RPA1: variants seen among roughly 807,000 people sequenced by gnomAD.
RPA1 encodes replication protein A1, also known as replication protein A 70 kDa DNA-binding subunit.
RPA1 carries 49 observed loss-of-function variants against 83.0 expected under a neutral mutation model. That is an observed-to-expected ratio of 0.59 (90% CI 0.47 to 0.75). The LOEUF is 0.75. Among genes scored for constraint, RPA1 ranks in the 30% least tolerant of loss-of-function variants. RPA1 has a pLI of 0.00. For synonymous variants in RPA1, 279 were observed against 281.8 expected (o/e 0.99, Z 0.10); for missense variants, 693 against 776.1 (o/e 0.89, Z 1.27).
chr17:1,877,168 C>T, intron 7 of RPA1, 44 bp from the exon 8 acceptor site: 7 of 1,550,874 alleles, frequency 4.5e-6, no homozygotes, highest in Non-Finnish European at 6.2e-6. Context: ...TTGATCTTTT[C>T]CAAGGAAGAC....
At chr17:1,888,596 G>T in intron 13 of RPA1, 79 bp from the exon 14 acceptor site, 1 of 1,423,512 alleles carries the variant, frequency 7.0e-7, no homozygotes, top group Non-Finnish European at 9.6e-7. Context: ...AAACGTAAGG[G>T]CAGGCTTTGA....
rs955001130 is a variant in RPA1 at position 1,898,094 on chromosome 17, G to A, written c.*919G>A. ...GAATCCTACTTTCTTTGAATGCAAA[G>A]AGTTCCTATAACTGGAAAGCAATTA... On this transcript the variant is annotated 3_prime_UTR_variant, in exon 17 of 17. Transcript: ENST00000254719. 1 of 152,158 alleles carries A rather than the reference G, an allele frequency of 6.6e-6. No homozygotes were observed. The highest frequency in any genetic ancestry group is 2.4e-5 in the African/African-American group (1 of 41,422). The allele number at this position is 152,158 out of a possible 1,614,324, so 9.4% of individuals were successfully genotyped here.
At chr17:1,882,934 G>A (rs975991067) in intron 12 of RPA1, among the ~76,000 whole-genome samples, 1 of 152,188 alleles carries the variant, frequency 6.6e-6, no homozygotes, top group Non-Finnish European at 1.5e-5. Context: ...GCTAGTTTAA[G>A]AAAAGATTCT....
intron 4 of RPA1, among the ~76,000 whole-genome samples, chr17:1,847,306 G>A (rs1221139996): frequency 4.6e-5 from 7 of 152,194 alleles, no homozygotes; most frequent in Admixed American, 1.3e-4. Flanking sequence ...ATCTTGGAGC[G>A]CTTAAGTGGT....
chr17:1,868,115 G>T (rs1368787889), intron 5 of RPA1, among the ~76,000 whole-genome samples: 2 of 152,066 alleles, frequency 1.3e-5, no homozygotes, highest in Non-Finnish European at 2.9e-5. Flanking sequence ...TAAACATAGG[G>T]CTATGGAAAA....
intron 1 of RPA1, among the ~76,000 whole-genome samples, chr17:1,835,575 GTTGT>G (rs1175895639): frequency 1.3e-5 from 2 of 152,018 alleles, no homozygotes; most frequent in South Asian, 2.1e-4. Context: ...CCTTGAATTT[GTTGT>G]TTGTTGTTGT....
At chr17:1,868,542 G>A (rs1319425333) in intron 5 of RPA1, among the ~76,000 whole-genome samples, 6 of 152,122 alleles carry the variant, frequency 3.9e-5, no homozygotes, top group South Asian at 2.1e-4. Flanking sequence ...AAGCCGAGGC[G>A]GGTGGATCAT....
intron 4 of RPA1, among the ~76,000 whole-genome samples, chr17:1,849,362 G>C (rs1177006406): frequency 7.2e-6 from 1 of 138,766 alleles, no homozygotes; most frequent in Non-Finnish European, 1.5e-5. Flanking sequence ...GTGCGATCTC[G>C]GCTCACTGCA....
At chr17:1,864,608 TTAG>T (rs567226083) in intron 5 of RPA1, among the ~76,000 whole-genome samples, 63 of 152,004 alleles carry the variant, frequency 4.1e-4, no homozygotes, top group African/African-American at 1.4e-3. Context: ...ACTTTTACTA[TTAG>T]TAGGGTTTTC....
intron 1 of RPA1, among the ~76,000 whole-genome samples, chr17:1,837,672 C>G (rs916959281): frequency 1.3e-5 from 2 of 152,140 alleles, no homozygotes; most frequent in Non-Finnish European, 2.9e-5. Context: ...TCTCTGGTGG[C>G]TAGTGACGTT....
At chr17:1,896,503 C>T (rs913567178) in intron 16 of RPA1, among the ~76,000 whole-genome samples, 5 of 151,950 alleles carry the variant, frequency 3.3e-5, no homozygotes, top group Non-Finnish European at 7.4e-5. Context: ...TCAGATGTCA[C>T]CGTGAAACAA....
chr17:1,833,256 A>T (rs1306268034), intron 1 of RPA1, among the ~76,000 whole-genome samples: 1 of 152,190 alleles, frequency 6.6e-6, no homozygotes, highest in Non-Finnish European at 1.5e-5. Flanking sequence ...TGAGGCCTGC[A>T]ATCATGTCTG....
At chr17:1,850,171 CA>C (rs56943271) in intron 4 of RPA1, among the ~76,000 whole-genome samples, 362 of 130,064 alleles carry the variant, frequency 2.8e-3, no homozygotes, top group African/African-American at 3.5e-3. Context: ...GACTCCATCT[CA>C]AAAAAAAAAA....
At chr17:1,840,714 G>A (rs1481486938) in intron 1 of RPA1, among the ~76,000 whole-genome samples, 1 of 152,164 alleles carries the variant, frequency 6.6e-6, no homozygotes, top group Admixed American at 6.5e-5. Flanking sequence ...CAGCCTTGTT[G>A]GTAGTTTTCG....
intron 16 of RPA1, among the ~76,000 whole-genome samples, chr17:1,895,659 G>GTATGTATT (rs1555596985): frequency 1.4e-5 from 2 of 141,812 alleles, no homozygotes; most frequent in African/African-American, 5.2e-5. Context: ...ATACCATATA[G>GTATGTATT]TATTTATTTA....
rs905403945 is a variant in RPA1, at chr17:1,872,446, C to T, written c.374C>T (p.Pro125Leu). Residue 125 changes from proline to leucine, a missense_variant, in exon 6 of 17, where the codon CCG (proline) becomes CTG (leucine). By Grantham distance (98) the Pro-to-Leu change is moderately conservative (BLOSUM62 -3). Coordinates refer to ENST00000254719, the MANE Select transcript of RPA1 (RefSeq NM_002945.5). ...TTTTGATCTTCAGGACTCGGGCAGC[C>T]GCAAGTAGCTCCTCCAGCGCCAGCA... ...PVPYNEGLGQ[P>L]QVAPPAPAAS... 8.7e-6 allele frequency: 14 copies of T among 1,613,918 alleles called. 1 individual carries two copies. Among genetic ancestry groups the T allele is most frequent in the East Asian group, 4.5e-5 (2 of 44,872 alleles).
chr17:1,862,792 G>A (rs762934612), intron 5 of RPA1, among the ~76,000 whole-genome samples: 242 of 124,996 alleles, frequency 1.9e-3, no homozygotes, highest in Middle Eastern at 0.013. Flanking sequence ...AACGATCTCC[G>A]CTCACTGCAA....
chr17:1,856,312 AAAT>A (rs1320405762), intron 5 of RPA1, among the ~76,000 whole-genome samples: 5 of 146,020 alleles, frequency 3.4e-5, no homozygotes, highest in African/African-American at 1.3e-4. Context: ...AAAAAAAAAA[AAAT>A]GCCAGGTGCT....
intron 8 of RPA1, 102 bp downstream of exon 8, chr17:1,877,416 C>T (rs1913614082): frequency 7.9e-6 from 8 of 1,017,044 alleles, no homozygotes; most frequent in Non-Finnish European, 1.1e-5. Context: ...ACAGAAGGCT[C>T]AGCTCTGCGG....
Sources: allele counts gnomAD v4.1 joint callset (sites outside exome capture counted in the v4.1 genomes callset), GRCh38; gene constraint gnomAD v4.1.1; transcripts MANE v1.5; gene names NCBI Gene and HGNC (gene_info 2026-07-23, HGNC 2026-07-21).